Variants in CAMTA1 observed in about 807,000 individuals in gnomAD.
CAMTA1 encodes the protein calmodulin-binding transcription activator 1.
In CAMTA1, 27 loss-of-function variants were observed where a neutral mutation model predicts 170.9. The observed-to-expected ratio is 0.16, with a 90% CI of 0.12 to 0.22. The LOEUF is 0.22. Among genes scored for constraint, CAMTA1 ranks in the 10% least tolerant of loss-of-function variants. CAMTA1 has a pLI of 1.00. For synonymous variants in CAMTA1, 833 were observed against 891.5 expected, an observed-to-expected ratio of 0.93 and a Z score of 1.17; for missense variants, 1,619 against 2,217.2, an observed-to-expected ratio of 0.73 and a Z score of 5.42.
intron 4 of CAMTA1, among the ~76,000 whole-genome samples, chr1:7,142,354 T>C (rs1645936503): frequency 6.6e-6 from 1 of 152,174 alleles, no homozygotes; most frequent in Middle Eastern, 3.2e-3. Context: ...ATGAGACTAT[T>C]TGAAAGCAGT....
At chr1:7,353,104 G>A (rs2084810059) in intron 5 of CAMTA1, among the ~76,000 whole-genome samples, 2 of 152,132 alleles carry the variant, frequency 1.3e-5, no homozygotes, top group South Asian at 4.1e-4. Context: ...TAGGTCATGT[G>A]TGGGCTTGGC....
chr1:7,218,452 T>G (rs1208820762), intron 4 of CAMTA1, among the ~76,000 whole-genome samples: 1 of 152,152 alleles, frequency 6.6e-6, no homozygotes, highest in African/African-American at 2.4e-5. Context: ...GAAGTGCAGT[T>G]TCTTTATGAC....
At chr1:7,017,512 C>T (rs1483218357) in intron 3 of CAMTA1, among the ~76,000 whole-genome samples, 1 of 152,180 alleles carries the variant, frequency 6.6e-6, no homozygotes, top group Non-Finnish European at 1.5e-5. Context: ...TAAGTACCTA[C>T]TATGTGTAGG....
chr1:7,166,366 T>C (rs1347317729), intron 4 of CAMTA1, among the ~76,000 whole-genome samples: 1 of 152,118 alleles, frequency 6.6e-6, no homozygotes, highest in African/African-American at 2.4e-5. Flanking sequence ...GCGTCCGGCC[T>C]ACTTGGATAC....
At chr1:7,031,732 G>A (rs575159641) in intron 3 of CAMTA1, among the ~76,000 whole-genome samples, 7 of 152,042 alleles carry the variant, frequency 4.6e-5, no homozygotes, top group Admixed American at 6.5e-5. Flanking sequence ...TAGTAGAGAC[G>A]GGGTTTCACT....
intron 6 of CAMTA1, among the ~76,000 whole-genome samples, chr1:7,535,769 C>T (rs1457963741): frequency 6.6e-6 from 1 of 152,160 alleles, no homozygotes; most frequent in African/African-American, 2.4e-5. Context: ...ACCTATGACC[C>T]CAGGAGGTGA....
rs535731979 is a variant in CAMTA1, at chr1:7,319,121, A to G, written c.438+69495A>G. On this transcript the variant is annotated intron_variant, in intron 5 of 22. Coordinates refer to ENST00000303635, the MANE Select transcript of CAMTA1 (RefSeq NM_015215.4). ...GAAGGCAGACACTGAATGACCAGCT[A>G]CATGATTAATTACTTATGTACATTT... 2.6e-4 allele frequency among the ~76,000 whole-genome samples: 39 copies of G among 152,318 alleles called. 1 individual carries two copies. In the South Asian group the frequency reaches 7.7e-3, roughly 30 times the overall value.
chr1:7,492,670 C>CAT (rs1553180508), intron 6 of CAMTA1, among the ~76,000 whole-genome samples: 1 of 140,856 alleles, frequency 7.1e-6, no homozygotes, highest in Non-Finnish European at 1.5e-5. Context: ...AACATACGAA[C>CAT]ACACACACAC....
rs1434584071 is a variant in CAMTA1 at position 7,680,852 on chromosome 1, G to C, written c.2914+3119G>C. ...CGGGGCGCAGAGAACACGCGCGCGC[G>C]CGCGCGCGCCAGCAGCAGCAGCAGC... On this transcript the variant is annotated intron_variant, in intron 11 of 22. Transcript: ENST00000303635. This position sits in a 1 kb window ranked among gnomAD's most constrained non-coding sequence, Gnocchi z 4.4. 1.7e-5 allele frequency among the ~76,000 whole-genome samples: 2 copies of C among 119,408 alleles called. No homozygotes were observed. The highest frequency in any genetic ancestry group is 3.5e-5 in the Non-Finnish European group (2 of 56,370). 78.3% of individuals were successfully genotyped at this position (119,408 alleles called of 152,430 possible).
chr1:6,968,445 T>A (rs1041393585), intron 3 of CAMTA1, among the ~76,000 whole-genome samples: 8 of 152,182 alleles, frequency 5.3e-5, no homozygotes, highest in Non-Finnish European at 1.0e-4. Context: ...CCTCAGGAAG[T>A]CACGTCAGCT....
At chr1:7,632,561 A>C (rs548968460) in intron 6 of CAMTA1, among the ~76,000 whole-genome samples, 20 of 152,350 alleles carry the variant, frequency 1.3e-4, no homozygotes, top group Admixed American at 1.2e-3. Context: ...ATCAAAACCA[A>C]CAGCTTTTTG....
intron 5 of CAMTA1, among the ~76,000 whole-genome samples, chr1:7,418,651 T>C (rs527269198): frequency 4.6e-5 from 7 of 152,336 alleles, no homozygotes; most frequent in Admixed American, 3.9e-4. Context: ...CACTTGGCTG[T>C]CCAACAAGTG....
chr1:7,505,735 C>T (rs918065286), intron 6 of CAMTA1, among the ~76,000 whole-genome samples: 3 of 152,228 alleles, frequency 2.0e-5, no homozygotes, highest in Non-Finnish European at 4.4e-5. Context: ...TCGGGTGGCA[C>T]AGGGGGACAC....
chr1:7,061,186 G>C (rs1558041643), intron 3 of CAMTA1, among the ~76,000 whole-genome samples: 1 of 152,156 alleles, frequency 6.6e-6, no homozygotes, highest in Non-Finnish European at 1.5e-5. Context: ...AGTTTGGTTC[G>C]GTTTGACAAA....
At chr1:7,125,821 A>G (rs1244218756) in intron 4 of CAMTA1, among the ~76,000 whole-genome samples, 2 of 152,214 alleles carry the variant, frequency 1.3e-5, no homozygotes, top group Non-Finnish European at 2.9e-5. Flanking sequence ...ATCACGGGAC[A>G]GAGGTTCCAG....
intron 3 of CAMTA1, among the ~76,000 whole-genome samples, chr1:6,865,494 T>C (rs1393594482): frequency 6.6e-6 from 1 of 152,190 alleles, no homozygotes; most frequent in Non-Finnish European, 1.5e-5. Context: ...GAATTCTGGC[T>C]CTACCATTTT....
chr1:7,058,810 G>T (rs895936331), intron 3 of CAMTA1, among the ~76,000 whole-genome samples: 22 of 152,134 alleles, frequency 1.4e-4, no homozygotes, highest in African/African-American at 5.3e-4. Context: ...AAATATTTCT[G>T]AGAAATCAGA....
intron 21 of CAMTA1, among the ~76,000 whole-genome samples, chr1:7,753,616 G>A (rs189913456): frequency 5.3e-5 from 8 of 152,178 alleles, no homozygotes; most frequent in African/African-American, 1.7e-4. Flanking sequence ...AGGTTTAATG[G>A]GTTATTTGTA....
intron 5 of CAMTA1, among the ~76,000 whole-genome samples, chr1:7,370,787 T>G (rs1199060772): frequency 6.6e-6 from 1 of 152,170 alleles, no homozygotes; most frequent in Non-Finnish European, 1.5e-5. Context: ...TTCTTACATT[T>G]CATTAAAAAC....
Sources: allele counts gnomAD v4.1 joint callset (sites outside exome capture counted in the v4.1 genomes callset), GRCh38; gene constraint gnomAD v4.1.1; non-coding constraint Gnocchi (gnomAD v3.1); transcripts MANE v1.5; gene names NCBI Gene and HGNC (gene_info 2026-07-23, HGNC 2026-07-21).